The following PDE3A variants were observed in gnomAD, a reference collection of about 807,000 sequenced individuals.
The protein encoded by PDE3A is phosphodiesterase 3A.
PDE3A carries 43 observed loss-of-function variants against 98.3 expected under a neutral mutation model. That is an observed-to-expected ratio of 0.44 (90% confidence interval 0.34 to 0.56). The LOEUF (loss-of-function observed/expected upper bound fraction) is 0.56. Ranked by LOEUF, PDE3A falls within the 20% of genes least tolerant of loss-of-function variation. The probability of loss-of-function intolerance (pLI) is 0.01; values close to 1 mark genes in which losing one functional copy is unlikely to be tolerated. For missense variants in PDE3A, 1,427 were observed against 1,440.7 expected (o/e 0.99, Z 0.15); for synonymous variants, 663 against 567.9 (o/e 1.17, Z -2.38).
intron 1 of PDE3A, among the ~76,000 whole-genome samples, chr12:20,387,048 G>A (rs1391408210): frequency 6.6e-6 from 1 of 152,058 alleles, no homozygotes; most frequent in African/African-American, 2.4e-5. Flanking sequence ...CCCATTGCTT[G>A]TTTTTGTCAG....
intron 1 of PDE3A, among the ~76,000 whole-genome samples, chr12:20,375,537 T>C (rs1386408137): frequency 2.0e-5 from 3 of 151,938 alleles, no homozygotes; most frequent in East Asian, 1.9e-4. Context: ...TAGTTGACCA[T>C]ACCTGTTCAT....
rs982487526 is a variant in PDE3A, at chr12:20,540,079, A to G, written c.961-16581A>G. On this transcript the variant is annotated intron_variant, in intron 1 of 15. Coordinates refer to ENST00000359062, the MANE Select transcript of PDE3A (RefSeq NM_000921.5). ...AACTGTAACAGGACTAGATTGTTTAAACAGCAAGTAAAAGCCTGAAAAGAA... is the reference window on the plus strand; with the variant it reads ...AACTGTAACAGGACTAGATTGTTTAGACAGCAAGTAAAAGCCTGAAAAGAA... Among the ~76,000 whole-genome samples, 5 of 152,254 alleles carry G rather than the reference A, an allele frequency of 3.3e-5. No homozygotes were observed. In the East Asian group the frequency reaches 9.7e-4, roughly 29 times the overall value.
intron 5 of PDE3A, among the ~76,000 whole-genome samples, chr12:20,622,338 T>C (rs556499854): frequency 6.6e-6 from 1 of 152,262 alleles, no homozygotes; most frequent in African/African-American, 2.4e-5. Flanking sequence ...TAAATCATGC[T>C]ATGAAGGCAA....
intron 8 of PDE3A, 61 bp downstream of exon 8, chr12:20,635,117 T>C: frequency 1.4e-6 from 2 of 1,464,432 alleles, no homozygotes; most frequent in Non-Finnish European, 1.9e-6. Context: ...TTACAGATAT[T>C]GGCTCAGAAA....
intron 10 of PDE3A, among the ~76,000 whole-genome samples, chr12:20,642,296 A>G (rs1471679924): frequency 1.3e-5 from 2 of 152,178 alleles, no homozygotes; most frequent in African/African-American, 4.8e-5. Context: ...CAAAAATTGA[A>G]GAATCTAGAT....
chr12:20,573,415 T>C (rs1338232651), intron 2 of PDE3A, among the ~76,000 whole-genome samples: 1 of 151,390 alleles, frequency 6.6e-6, no homozygotes, highest in Non-Finnish European at 1.5e-5. Context: ...TATTCTAGAA[T>C]TCTAGATATT....
chr12:20,660,468 A>G (rs1945140529), intron 15 of PDE3A, among the ~76,000 whole-genome samples: 1 of 151,214 alleles, frequency 6.6e-6, no homozygotes, highest in Non-Finnish European at 1.5e-5. Flanking sequence ...CAGGAAAATG[A>G]CAGAAAGTTT....
chr12:20,606,869 A>G (rs903310225), intron 2 of PDE3A, among the ~76,000 whole-genome samples: 21 of 151,702 alleles, frequency 1.4e-4, no homozygotes, highest in African/African-American at 5.1e-4. Flanking sequence ...AAAAAAAAAA[A>G]ATTAAAACAA....
chr12:20,431,104 G>A (rs774022140), intron 1 of PDE3A, among the ~76,000 whole-genome samples: 13 of 151,956 alleles, frequency 8.6e-5, no homozygotes, highest in Non-Finnish European at 1.8e-4. Context: ...TTATCTGCCC[G>A]TCTTTATTAC....
intron 1 of PDE3A, among the ~76,000 whole-genome samples, chr12:20,460,051 G>C (rs1205286154): frequency 6.6e-6 from 1 of 152,164 alleles, no homozygotes; most frequent in Non-Finnish European, 1.5e-5. Flanking sequence ...GAAACTCTCA[G>C]GCTGGATACC....
chr12:20,443,723 C>A (rs1479628497), intron 1 of PDE3A, among the ~76,000 whole-genome samples: 1 of 152,062 alleles, frequency 6.6e-6, no homozygotes, highest in Non-Finnish European at 1.5e-5. Context: ...TCATAAAAAA[C>A]CCTACTTCCA....
rs1246677006 is a variant in PDE3A at position 20,687,926 on chromosome 12, A to AAC, written c.*7656_*7657insCA. 4.0e-5 allele frequency among the ~76,000 whole-genome samples: 6 copies of AAC among 150,720 alleles called. No individual in the cohort carries two copies. The highest frequency in any genetic ancestry group is 7.3e-5 in the African/African-American group (3 of 41,152). On this transcript the variant is annotated 3_prime_UTR_variant, in exon 16 of 16. Coordinates refer to ENST00000359062, the MANE Select transcript of PDE3A (RefSeq NM_000921.5). The stretch of plus-strand genomic sequence containing the variant: ...CCTCTTCCCAACAGAAAAAAAAAAA[A>AAC]AAAAAAAAAAACTGGCATTGGCAAG...
chr12:20,370,399 T>G (rs923664981), intron 1 of PDE3A, 155 bp downstream of exon 1: 15 of 453,238 alleles, frequency 3.3e-5, no homozygotes, highest in East Asian at 6.9e-5. Context: ...GTTTTTTTTT[T>G]GTTTTTTTTG....
At chr12:20,375,867 A>G (rs1943562072) in intron 1 of PDE3A, among the ~76,000 whole-genome samples, 1 of 151,892 alleles carries the variant, frequency 6.6e-6, no homozygotes, top group Non-Finnish European at 1.5e-5. Context: ...GGACTCATTC[A>G]TCTCCTCTCT....
At chr12:20,604,787 T>G (rs1943672273) in intron 2 of PDE3A, among the ~76,000 whole-genome samples, 1 of 152,228 alleles carries the variant, frequency 6.6e-6, no homozygotes, top group African/African-American at 2.4e-5. Context: ...ACATCTTTGA[T>G]GAAGAGCCAA....
chr12:20,486,308 C>T (rs1945726427), intron 1 of PDE3A, among the ~76,000 whole-genome samples: 1 of 152,070 alleles, frequency 6.6e-6, no homozygotes, highest in African/African-American at 2.4e-5. Flanking sequence ...AGAATGAACA[C>T]AGGAGGAACT....
At chr12:20,539,118 T>C (rs981491094) in intron 1 of PDE3A, among the ~76,000 whole-genome samples, 5 of 152,124 alleles carry the variant, frequency 3.3e-5, no homozygotes, top group East Asian at 1.9e-4. Context: ...AAGTACCGGT[T>C]GAGAATCCCT....
chr12:20,392,185 T>C (rs1943929500), intron 1 of PDE3A, among the ~76,000 whole-genome samples: 1 of 152,028 alleles, frequency 6.6e-6, no homozygotes, highest in Non-Finnish European at 1.5e-5. Context: ...GTGCCTTTGG[T>C]ACTTTAGACC....
At chr12:20,664,696 C>T (rs1182720023) in intron 15 of PDE3A, among the ~76,000 whole-genome samples, 1 of 151,964 alleles carries the variant, frequency 6.6e-6, no homozygotes, top group Non-Finnish European at 1.5e-5. Context: ...CTCTTTTTGC[C>T]TGACACCATG....
Sources: allele counts gnomAD v4.1 joint callset (sites outside exome capture counted in the v4.1 genomes callset), GRCh38; gene constraint gnomAD v4.1.1; transcripts MANE v1.5; gene names NCBI Gene and HGNC (gene_info 2026-07-23, HGNC 2026-07-21).